Variants in PZP observed in about 807,000 individuals in gnomAD.
PZP encodes the protein PZP alpha-2-macroglobulin like.
A neutral mutation model predicts 179.8 loss-of-function variants in PZP; 150 were observed. That is an observed-to-expected ratio of 0.83 (90% confidence interval 0.73 to 0.96). The LOEUF (loss-of-function observed/expected upper bound fraction) is 0.96. Ranked by LOEUF, PZP falls within the 40% of genes least tolerant of loss-of-function variation. The pLI is 0.00. For missense variants in PZP, 1,689 were observed against 1,764.0 expected, an observed-to-expected ratio of 0.96 and a Z score of 0.76; for synonymous variants, 624 against 652.3, an observed-to-expected ratio of 0.96 and a Z score of 0.66.
At position 9,196,732 on chromosome 12, in the gene PZP, A is replaced by G. The variant is rs774765018; in HGVS notation, c.868-47T>C. ...ATAAATGTCAAACTGATTGAGATCA[A>G]TAGTCACTGAATCTACTATTCTGTC... On this transcript the variant is annotated intron_variant, in intron 8 of 35. Coordinates refer to ENST00000261336, the MANE Select transcript of PZP (RefSeq NM_002864.3). 1.4e-5 allele frequency: 20 copies of G among 1,451,970 alleles called. No individual in the cohort carries two copies. The Admixed American group carries it at 2.3e-4, about 17-fold the overall frequency. 89.9% of individuals were successfully genotyped at this position (1,451,970 alleles called of 1,614,324 possible).
At chr12:9,186,224 C>G (rs1943110094) in intron 13 of PZP, among the ~76,000 whole-genome samples, 1 of 152,112 alleles carries the variant, frequency 6.6e-6, no homozygotes, top group Non-Finnish European at 1.5e-5. Context: ...GAATTTGTTA[C>G]CACCAGATCC....
At chr12:9,173,892 C>A (rs1394095911) in intron 15 of PZP, among the ~76,000 whole-genome samples, 1 of 152,142 alleles carries the variant, frequency 6.6e-6, no homozygotes, top group Non-Finnish European at 1.5e-5. Flanking sequence ...TGAATTCTAC[C>A]ATAGGTACAA....
chr12:9,146,987 A>G (rs147800208), downstream of PZP, among the ~76,000 whole-genome samples: 54 of 152,278 alleles, frequency 3.5e-4, no homozygotes, highest in Middle Eastern at 0.01. Context: ...AGCAAGGGGA[A>G]GGATTAATGG....
chr12:9,192,818 A>G, intron 11 of PZP, 79 bp from the exon 12 acceptor site: 1 of 959,756 alleles, frequency 1.0e-6, no homozygotes, highest in Non-Finnish European at 1.6e-6. Context: ...GAATAGTTAC[A>G]ACGGTGTCTT....
At chr12:9,180,252 C>T (rs1942669405) in intron 15 of PZP, among the ~76,000 whole-genome samples, 1 of 152,030 alleles carries the variant, frequency 6.6e-6, no homozygotes, top group African/African-American at 2.4e-5. Context: ...TCAATGCCAT[C>T]CCCATCAAGC....
intron 4 of PZP, among the ~76,000 whole-genome samples, chr12:9,201,893 GTATAA>G (rs752745055): frequency 3.3e-5 from 5 of 152,026 alleles, no homozygotes; most frequent in East Asian, 1.9e-4. Context: ...AAGTCTTTGT[GTATAA>G]TATATTTCTA....
intron 13 of PZP, among the ~76,000 whole-genome samples, chr12:9,188,174 C>T (rs749913371): frequency 1.3e-5 from 2 of 152,338 alleles, no homozygotes; most frequent in South Asian, 4.1e-4. Flanking sequence ...AGCTTAGCTA[C>T]CGCGATCAAG....
At chr12:9,149,664 A>ATCCTG in intron 34 of PZP, 62 bp from the exon 35 acceptor site, 1 of 1,541,626 alleles carries the variant, frequency 6.5e-7, no homozygotes, top group Non-Finnish European at 8.9e-7. Flanking sequence ...ACCATGCTAA[A>ATCCTG]TCTGTCTAGT....
intron 15 of PZP, among the ~76,000 whole-genome samples, chr12:9,178,453 G>C (rs1401280982): frequency 6.6e-6 from 1 of 152,124 alleles, no homozygotes; most frequent in Non-Finnish European, 1.5e-5. Flanking sequence ...ATTGATGCTG[G>C]CAATTGGGAG....
At chr12:9,185,968 T>C (rs963162683) in intron 13 of PZP, among the ~76,000 whole-genome samples, 9 of 151,896 alleles carry the variant, frequency 5.9e-5, no homozygotes, top group East Asian at 1.9e-4. Flanking sequence ...CCATCACACC[T>C]GGCTAATTTT....
At chr12:9,176,123 C>A (rs978757468) in intron 15 of PZP, among the ~76,000 whole-genome samples, 1 of 152,174 alleles carries the variant, frequency 6.6e-6, no homozygotes, top group African/African-American at 2.4e-5. Flanking sequence ...GAATACTATG[C>A]AGCCATAAAA....
chr12:9,154,718 C>T lies in PZP; in HGVS notation c.3672G>A (p.Thr1224=), dbSNP rs774246539. ...MTSYVLLAYL[T]AQPAPTSGDL... is the part of the protein sequence containing the mutation. ...CCCCTGAGGTGGGGGCTGGCTGGGCCGTGAGATAAGCGAGGAGCACATAGG... is the reference window on the plus strand; with the variant it reads ...CCCCTGAGGTGGGGGCTGGCTGGGCTGTGAGATAAGCGAGGAGCACATAGG... The change falls in exon 29 of 36, where the codon ACG becomes ACA. Residue 1224 remains threonine (T), a synonymous_variant. Coordinates refer to ENST00000261336, the MANE Select transcript of PZP (RefSeq NM_002864.3). 13 of 1,613,912 alleles carry T rather than the reference C, an allele frequency of 8.1e-6. No homozygotes were observed. The highest frequency in any genetic ancestry group is 2.7e-5 in the African/African-American group (2 of 74,868).
chr12:9,185,347 A>C (rs917674625), intron 13 of PZP, among the ~76,000 whole-genome samples: 1 of 152,206 alleles, frequency 6.6e-6, no homozygotes, highest in Non-Finnish European at 1.5e-5. Context: ...CACAAAATTG[A>C]CTTTCTGCAA....
chr12:9,155,586 G>C (rs993288776), intron 28 of PZP, among the ~76,000 whole-genome samples: 1 of 152,008 alleles, frequency 6.6e-6, no homozygotes, highest in Non-Finnish European at 1.5e-5. Context: ...TCTAGTAGTG[G>C]TCTACAACCA....
At position 9,160,367 on chromosome 12, in the gene PZP, GT is replaced by G. The variant is rs756009738; in HGVS notation, c.2995del (p.Thr999ProfsTer4). 5.3e-5 allele frequency: 86 copies of G among 1,614,062 alleles called. No individual in the cohort carries two copies. Among genetic ancestry groups the G allele is most frequent in the Non-Finnish European group, 6.2e-5 (73 of 1,180,036 alleles). On this transcript the variant is annotated frameshift_variant, in exon 24 of 36. Transcript: ENST00000261336. LOFTEE classifies it high-confidence loss of function. ...NIYVLNYLNE[T>X]QQLTQEIKAK... The stretch of plus-strand genomic sequence containing the variant: ...CTTGATCTCCTGCGTCAGCTGCTGG[GT>G]TTCATTCAGATAGTTCAAGACATAG...
intron 29 of PZP, 71 bp downstream of exon 29, chr12:9,154,545 A>T (rs1275724541): frequency 2.9e-6 from 4 of 1,368,068 alleles, no homozygotes; most frequent in Non-Finnish European, 4.1e-6. Context: ...CTTTTCCATT[A>T]ACTGTTCTAC....
Position 9,170,725 on chromosome 12 carries a change from C to T in PZP, c.1840-1134G>A, listed in dbSNP as rs1191754206. 6.6e-6 allele frequency among the ~76,000 whole-genome samples: 1 copy of T among 152,194 alleles called. No individual in the cohort carries two copies. Among genetic ancestry groups the T allele is most frequent in the African/African-American group, 2.4e-5 (1 of 41,454 alleles). On this transcript the variant is annotated intron_variant, in intron 15 of 35. Transcript: ENST00000261336. This position sits in a 1 kb window ranked among gnomAD's most constrained non-coding sequence, Gnocchi z 4.6. ...CCACGATGCAGCACAGCTGCCTTGCCAGATTGTGATCAGACTGCTTCTTTA... is the reference window on the plus strand; with the variant it reads ...CCACGATGCAGCACAGCTGCCTTGCTAGATTGTGATCAGACTGCTTCTTTA...
In PZP at chr12:9,194,161, GTAA is replaced by G; in HGVS notation, c.1167_1169del (p.Tyr390del). ...CCTGCTCATTGGTGGTTGCATTGGA[GTAA>G]TAATTGGCGTCATTCACAGAGATGA... On this transcript the variant is annotated inframe_deletion, in exon 11 of 36. Transcript: ENST00000261336. 1 of 1,613,898 alleles carries G rather than the reference GTAA, an allele frequency of 6.2e-7. No homozygotes were observed. Among genetic ancestry groups the G allele is most frequent in the Non-Finnish European group, 8.5e-7 (1 of 1,179,848 alleles).
At chr12:9,164,108 G>A (rs1941412689) in intron 20 of PZP, 25 bp downstream of exon 20, 4 of 1,598,920 alleles carry the variant, frequency 2.5e-6, no homozygotes, top group Non-Finnish European at 3.4e-6. Context: ...TTGATTGATA[G>A]GCCCTTTTGG....
Sources: gnomAD v4.1 joint callset for allele counts (sites outside exome capture counted in the v4.1 genomes callset) on GRCh38, gnomAD v4.1.1 for gene constraint, Gnocchi (gnomAD v3.1) non-coding constraint, MANE v1.5 for transcripts, NCBI Gene and HGNC (gene_info 2026-07-23, HGNC 2026-07-21) for gene names.